RPSA2: variants seen among roughly 807,000 people sequenced by gnomAD.
The protein encoded by RPSA2 is small ribosomal subunit protein uS2B.
the RPSA2 span, chr19:23,826,937 G>T: frequency 1.9e-6 from 1 of 538,418 alleles, no homozygotes. Flanking sequence ...TGATCTGCCT[G>T]CCTTGGCCTC....
the RPSA2 span, among the ~76,000 whole-genome samples, chr19:23,834,551 T>C: frequency 6.6e-6 from 1 of 152,092 alleles, no homozygotes; most frequent in Non-Finnish European, 1.5e-5. Flanking sequence ...AATACTCTTC[T>C]ACATTATTAT....
At chr19:23,863,479 G>A in the RPSA2 span, among the ~76,000 whole-genome samples, 14 of 147,970 alleles carry the variant, frequency 9.5e-5, no homozygotes, top group East Asian at 8.3e-4. Flanking sequence ...CAAGAGAATC[G>A]CTTGAACTCA....
chr19:23,858,812 G>A, the RPSA2 span, among the ~76,000 whole-genome samples: 1 of 152,198 alleles, frequency 6.6e-6, no homozygotes, highest in Non-Finnish European at 1.5e-5. Context: ...TTGCATAATA[G>A]AAGATTAGGG....
At chr19:23,841,403 G>A in the RPSA2 span, among the ~76,000 whole-genome samples, 270 of 152,258 alleles carry the variant, frequency 1.8e-3, no homozygotes, top group Non-Finnish European at 3.4e-3. Context: ...GGCGGAGCTT[G>A]CAGTGAGCCA....
chr19:23,759,522 GTTTT>G, the RPSA2 span, among the ~76,000 whole-genome samples: 1 of 89,042 alleles, frequency 1.1e-5, no homozygotes, highest in East Asian at 3.8e-4. Context: ...TATATATCAG[GTTTT>G]TTTTTTTTTT....
At chr19:23,802,791 G>C in the RPSA2 span, among the ~76,000 whole-genome samples, 148,897 of 152,228 alleles carry the variant, frequency 0.98, 72,912 homozygotes, top group Middle Eastern at 1. Context: ...CTATCAACTG[G>C]ATAAATGATT....
the RPSA2 span, chr19:23,832,654 A>G: frequency 2.0e-6 from 3 of 1,473,342 alleles, no homozygotes; most frequent in Non-Finnish European, 2.7e-6. Flanking sequence ...AGAAGGTGGC[A>G]AAGCATTTCT....
At chr19:23,815,753 T>C in the RPSA2 span, among the ~76,000 whole-genome samples, 1 of 152,330 alleles carries the variant, frequency 6.6e-6, no homozygotes, top group East Asian at 1.9e-4. Flanking sequence ...GGTATTGATG[T>C]CTACAATTAT....
the RPSA2 span, among the ~76,000 whole-genome samples, chr19:23,824,467 T>C: frequency 6.6e-6 from 1 of 152,042 alleles, no homozygotes; most frequent in Non-Finnish European, 1.5e-5. Flanking sequence ...ACATCCTTGC[T>C]CTTTGGGAGA....
chr19:23,832,305 C>A, the RPSA2 span: 1 of 468,472 alleles, frequency 2.1e-6, no homozygotes, highest in East Asian at 6.0e-5. Context: ...GGAAACATTA[C>A]AAGTGTGAAG....
the RPSA2 span, among the ~76,000 whole-genome samples, chr19:23,870,881 A>T: frequency 3.3e-5 from 5 of 152,214 alleles, no homozygotes; most frequent in Non-Finnish European, 7.3e-5. Flanking sequence ...ACTGTTTATC[A>T]TGAATGCAGA....
the RPSA2 span, among the ~76,000 whole-genome samples, chr19:23,850,111 G>A: frequency 1.3e-5 from 2 of 151,610 alleles, no homozygotes; most frequent in African/African-American, 4.8e-5. Flanking sequence ...CCTTCTCCTG[G>A]TTGAGTGGGG....
At chr19:23,808,212 A>G in the RPSA2 span, among the ~76,000 whole-genome samples, 1 of 151,840 alleles carries the variant, frequency 6.6e-6, no homozygotes, top group African/African-American at 2.4e-5. Flanking sequence ...AAATCTAATT[A>G]TCATCACCAG....
At chr19:23,804,877 T>C in the RPSA2 span, among the ~76,000 whole-genome samples, 1 of 152,138 alleles carries the variant, frequency 6.6e-6, no homozygotes, top group African/African-American at 2.4e-5. Flanking sequence ...ATGTTCTGGG[T>C]GAAAGCATCT....
the RPSA2 span, among the ~76,000 whole-genome samples, chr19:23,765,990 G>A: frequency 1.2e-4 from 18 of 151,410 alleles, no homozygotes; most frequent in African/African-American, 4.4e-4. Context: ...AAGACATAAG[G>A]TATTGAGCTG....
the RPSA2 span, chr19:23,790,802 G>A: frequency 1.8e-6 from 1 of 545,682 alleles, no homozygotes; most frequent in East Asian, 4.1e-5. Context: ...GACATCTGGA[G>A]AGGGGCAAGG....
the RPSA2 span, chr19:23,827,730 C>T: frequency 6.3e-6 from 10 of 1,579,926 alleles, no homozygotes; most frequent in East Asian, 1.3e-4. Flanking sequence ...GGCACCATTT[C>T]CCGTGAACAC....
chr19:23,782,550 C>T, the RPSA2 span: 1 of 152,172 alleles, frequency 6.6e-6, no homozygotes, highest in East Asian at 1.9e-4. Context: ...CTGCCGGGGC[C>T]ATGCCCACAG....
At chr19:23,863,498 G>A in the RPSA2 span, among the ~76,000 whole-genome samples, 1 of 150,114 alleles carries the variant, frequency 6.7e-6, no homozygotes, top group Non-Finnish European at 1.5e-5. Flanking sequence ...CAGGAGGTGG[G>A]TGTTGCAGTG....
Sources: gnomAD v4.1 joint callset for allele counts (sites outside exome capture counted in the v4.1 genomes callset) on GRCh38, gnomAD v4.1.1 for gene constraint, MANE v1.5 for transcripts, NCBI Gene and HGNC (gene_info 2026-07-23, HGNC 2026-07-21) for gene names.